Variants in APC observed in about 807,000 individuals in gnomAD.
The protein encoded by APC is adenomatous polyposis coli protein.
A neutral mutation model predicts 247.0 loss-of-function variants in APC; 72 were observed. The ratio of observed to expected loss-of-function variants is 0.29; its 90% confidence interval spans 0.24 to 0.35. The LOEUF is 0.35. Among genes scored for constraint, APC ranks in the 10% least tolerant of loss-of-function variants. APC has a pLI of 1.00. For synonymous variants in APC, 1,254 were observed against 1,162.5 expected (o/e 1.08, Z -1.60); for missense variants, 3,400 against 3,360.7 (o/e 1.01, Z -0.29).
At chr5:112,815,054 G>A (rs528765710) in intron 8 of APC, among the ~76,000 whole-genome samples, 1 of 152,168 alleles carries the variant, frequency 6.6e-6, no homozygotes, top group Non-Finnish European at 1.5e-5. Flanking sequence ...TCCAGTAAAA[G>A]TTTTAAACAG....
chr5:112,786,463 T>G (rs185336207), intron 6 of APC, among the ~76,000 whole-genome samples: 61 of 152,310 alleles, frequency 4.0e-4, no homozygotes, highest in African/African-American at 1.5e-3. Context: ...TTTGGTCACC[T>G]AGTATGGTGG....
chr5:112,728,150 CAG>C (rs1169846834), intron 1 of APC, among the ~76,000 whole-genome samples: 6 of 151,758 alleles, frequency 4.0e-5, no homozygotes, highest in Non-Finnish European at 7.4e-5. Context: ...TGTTTTGAGA[CAG>C]AGTCTCTCTC....
At chr5:112,718,270 T>C (rs927547290) in intron 1 of APC, among the ~76,000 whole-genome samples, 1 of 152,172 alleles carries the variant, frequency 6.6e-6, no homozygotes, top group African/African-American at 2.4e-5. Context: ...AATTGATGTA[T>C]ATAATGTAAG....
chr5:112,841,346 ATAAATCGAGGTCAGCC>A lies in APC; in HGVS notation c.5757_5772del (p.Arg1920ProfsTer45), dbSNP rs1561602318. 6.2e-7 allele frequency: 1 copy of A among 1,613,966 alleles called. No homozygotes were observed. The highest frequency in any genetic ancestry group is 8.5e-7 in the Non-Finnish European group (1 of 1,179,864). On this transcript the variant is annotated frameshift_variant, in exon 16 of 16. Transcript: ENST00000257430. LOFTEE classifies it high-confidence loss of function. The surrounding 1 kb of genome is among the most constrained non-coding windows in gnomAD (Gnocchi z 4.6). ...GACACAAGCTATTGCAAAGCAGCCA[ATAAATCGAGGTCAGCC>A]TAAACCCATACTTCAGAAACAATCC...
chr5:112,761,612 G>GA (rs1237739981), intron 2 of APC, among the ~76,000 whole-genome samples: 1 of 151,854 alleles, frequency 6.6e-6, no homozygotes, highest in Non-Finnish European at 1.5e-5. Flanking sequence ...GAAAAAAATG[G>GA]AAAAAACAAA....
At chr5:112,837,520 C>G (rs1176510247) in intron 15 of APC, 33 bp from the exon 16 acceptor site, 3 of 1,538,530 alleles carry the variant, frequency 1.9e-6, no homozygotes, top group Non-Finnish European at 2.7e-6. Context: ...CACATTGTGA[C>G]CTTAATTTTG....
rs2149780526 is a variant in APC at position 112,819,088 on chromosome 5, T to C, written c.1056T>C (p.Cys352=). The part of the protein sequence containing the change: ...DSCISMRQSG[C]LPLLIQLLHG... ...GTATATCCATGCGACAGTCTGGATG[T>C]CTTCCTCTCCTCATCCAGCTTTTAC... Residue 352 remains cysteine, a synonymous_variant, in exon 10 of 16, where the codon TGT becomes TGC. Coordinates refer to ENST00000257430, the MANE Select transcript of APC (RefSeq NM_000038.6). 6.2e-7 allele frequency: 1 copy of C among 1,614,166 alleles called. No individual in the cohort carries two copies. The highest frequency in any genetic ancestry group is 1.3e-5 in the African/African-American group (1 of 75,062).
rs200399245 is a variant in APC, at chr5:112,843,009, C to G, written c.7415C>G (p.Ala2472Gly). 1.2e-6 allele frequency: 2 copies of G among 1,613,920 alleles called. No individual in the cohort carries two copies. Among genetic ancestry groups the G allele is most frequent in the Non-Finnish European group, 1.7e-6 (2 of 1,179,914 alleles). The change falls in exon 16 of 16, where the codon GCT (alanine) becomes GGT (glycine). Residue 2472 changes from alanine to glycine, a missense_variant. Coordinates refer to ENST00000257430, the MANE Select transcript of APC (RefSeq NM_000038.6). The surrounding 1 kb of genome is among the most constrained non-coding windows in gnomAD (Gnocchi z 4.8). ...FESLSPSSRPASPTRSQAQTP... is the reference protein window; with the variant it reads ...FESLSPSSRPGSPTRSQAQTP... ...TCTCTTTCTCCATCATCTAGACCAG[C>G]TTCTCCCACTAGGTCCCAGGCACAA...
At chr5:112,811,760 T>A (rs1045299151) in intron 8 of APC, among the ~76,000 whole-genome samples, 1 of 152,274 alleles carries the variant, frequency 6.6e-6, no homozygotes, top group Non-Finnish European at 1.5e-5. Flanking sequence ...TAGTTAGCTA[T>A]TGCTGCATAA....
Position 112,840,876 on chromosome 5 carries a change from A to G in APC, c.5282A>G (p.Asn1761Ser), listed in dbSNP as rs752038930. 44 of 1,614,062 alleles carry G rather than the reference A, an allele frequency of 2.7e-5. No individual in the cohort carries two copies. The highest frequency in any genetic ancestry group is 3.7e-5 in the Non-Finnish European group (44 of 1,179,906). ...QQASASSSAPNKNQLDGKKKK... is the reference protein window; with the variant it reads ...QQASASSSAPSKNQLDGKKKK... ...GCATCTGCGTCTTCTTCTGCACCCAACAAAAATCAGTTAGATGGTAAGAAA... is the reference window on the plus strand; with the variant it reads ...GCATCTGCGTCTTCTTCTGCACCCAGCAAAAATCAGTTAGATGGTAAGAAA... The change falls in exon 16 of 16, where the codon AAC becomes AGC. Residue 1761 changes from asparagine (N) to serine (S), a missense_variant. Physicochemically the swap from Asn to Ser is conservative, Grantham distance 46. Coordinates refer to ENST00000257430, the MANE Select transcript of APC (RefSeq NM_000038.6). The surrounding 1 kb of genome is among the most constrained non-coding windows in gnomAD (Gnocchi z 4.1).
intron 1 of APC, among the ~76,000 whole-genome samples, chr5:112,741,492 C>G (rs908355162): frequency 6.6e-6 from 1 of 152,310 alleles, no homozygotes; most frequent in African/African-American, 2.4e-5. Flanking sequence ...GCCTTCTCCC[C>G]TTTATTCTCA....
chr5:112,715,305 C>T lies in APC; in HGVS notation c.165+7423C>T, dbSNP rs566075173. 2.0e-5 allele frequency among the ~76,000 whole-genome samples: 3 copies of T among 152,174 alleles called. No individual in the cohort carries two copies. The South Asian group carries it at 6.2e-4, about 32-fold the overall frequency. On this transcript the variant is annotated intron_variant, in intron 1 of 13. Coordinates refer to the APC transcript ENST00000507379. ...TCTGAGCTTAAATTTTAGTGGGGGA[C>T]ATAGTCAATAAATATTATATATGTA...
At chr5:112,827,687 A>G (rs1763842279) in intron 12 of APC, among the ~76,000 whole-genome samples, 2 of 152,248 alleles carry the variant, frequency 1.3e-5, no homozygotes, top group Non-Finnish European at 2.9e-5. Context: ...CCTGTTGCTT[A>G]TCATTTCTCA....
At chr5:112,825,929 G>A (rs1053059027) in intron 11 of APC, among the ~76,000 whole-genome samples, 1 of 152,152 alleles carries the variant, frequency 6.6e-6, no homozygotes, top group Non-Finnish European at 1.5e-5. Flanking sequence ...TGTTGCAGGT[G>A]AATGGAGGAA....
At chr5:112,828,142 C>A in intron 13 of APC, 136 bp downstream of exon 13, 1 of 755,536 alleles carries the variant, frequency 1.3e-6, no homozygotes, top group Non-Finnish European at 2.3e-6. Context: ...TTCAAGCAAT[C>A]CTCCCACTTC....
rs1373471882 is a variant in APC at position 112,840,954 on chromosome 5, C to G, written c.5360C>G (p.Thr1787Arg). The G allele has an allele frequency of 1.2e-6, 2 of 1,613,068 alleles. No individual in the cohort carries two copies. Among genetic ancestry groups the G allele is most frequent in the Admixed American group, 1.7e-5 (1 of 59,844 alleles). ...ATACCACAAAATACTGAATATAGGA[C>G]ACGTGTAAGAAAAAATGCAGACTCA... ...KPIPQNTEYR[T>R]RVRKNADSKN... Residue 1787 changes from threonine to arginine, a missense_variant, in exon 16 of 16, where the codon ACA (threonine) becomes AGA (arginine). Thr to Arg is a moderately conservative substitution (Grantham distance 71, BLOSUM62 -1). This residue lies in a region of APC where 1,788 missense variants were observed against 1,649.5 expected (regional missense o/e 1.08). Coordinates refer to ENST00000257430, the MANE Select transcript of APC (RefSeq NM_000038.6). This position sits in a 1 kb window ranked among gnomAD's most constrained non-coding sequence, Gnocchi z 4.1.
rs1003390887 is a variant in APC, at chr5:112,819,318, C to G, written c.1286C>G (p.Pro429Arg). 6.2e-7 allele frequency: 1 copy of G among 1,614,018 alleles called. No homozygotes were observed. The highest frequency in any genetic ancestry group is 8.5e-7 in the Non-Finnish European group (1 of 1,179,968). Residue 429 changes from proline to arginine, a missense_variant, in exon 10 of 16, where the codon CCA (proline) becomes CGA (arginine). By Grantham distance (103) the Pro-to-Arg change is moderately radical (BLOSUM62 -2). Transcript: ENST00000257430. ...TCWEWQEAHEPGMDQDKNPMP... is the reference protein window; with the variant it reads ...TCWEWQEAHERGMDQDKNPMP... ...TGGGAGTGGCAGGAAGCTCATGAAC[C>G]AGGCATGGACCAGGACAAAAATCCA...
intron 8 of APC, among the ~76,000 whole-genome samples, chr5:112,802,442 T>G (rs1760927895): frequency 6.6e-6 from 1 of 152,070 alleles, no homozygotes; most frequent in African/African-American, 2.4e-5. Flanking sequence ...TACACATATG[T>G]AGAAGGAAGA....
At chr5:112,768,629 A>G (rs191223071) in intron 4 of APC, among the ~76,000 whole-genome samples, 220 of 151,840 alleles carry the variant, frequency 1.4e-3, no homozygotes, top group Non-Finnish European at 2.7e-3. Context: ...CATCTCAGAC[A>G]TTTATTATTT....
Sources: allele counts gnomAD v4.1 joint callset (sites outside exome capture counted in the v4.1 genomes callset), GRCh38; gene constraint gnomAD v4.1.1; regional missense constraint gnomAD v4.1.1; non-coding constraint Gnocchi (gnomAD v3.1); transcripts MANE v1.5; gene names NCBI Gene and HGNC (gene_info 2026-07-23, HGNC 2026-07-21).